Variants in GSE1 observed in about 807,000 individuals in gnomAD.
The protein encoded by GSE1 is genetic suppressor element 1.
Under a neutral mutation model 112.6 loss-of-function variants are expected in GSE1, and 32 were observed. The ratio of observed to expected loss-of-function variants is 0.28; its 90% CI spans 0.21 to 0.38. The LOEUF is 0.38. GSE1 is among the 10% of genes least tolerant of loss of function. The probability of loss-of-function intolerance (pLI) is 1.00; values close to 1 mark genes in which losing one functional copy is unlikely to be tolerated. For missense variants in GSE1, 2,348 were observed against 1,699.2 expected, an observed-to-expected ratio of 1.38 and a Z score of -6.71; for synonymous variants, 1,115 against 735.6, an observed-to-expected ratio of 1.52 and a Z score of -8.35.
At chr16:85,283,893 C>G (rs905352328) in intron 1 of GSE1, among the ~76,000 whole-genome samples, 4 of 152,220 alleles carry the variant, frequency 2.6e-5, no homozygotes, top group Non-Finnish European at 5.9e-5. Flanking sequence ...CTCAGGCCGT[C>G]TGGCTCCAGC....
chr16:85,438,785 A>AG (rs1369250282), intron 2 of GSE1, among the ~76,000 whole-genome samples: 4 of 152,184 alleles, frequency 2.6e-5, no homozygotes, highest in Non-Finnish European at 5.9e-5. Flanking sequence ...GAAGAAGCAA[A>AG]GGGTGCTGGG....
chr16:85,455,766 A>C (rs959300110), intron 2 of GSE1, among the ~76,000 whole-genome samples: 1 of 152,030 alleles, frequency 6.6e-6, no homozygotes, highest in Admixed American at 6.5e-5. Flanking sequence ...GCTTGGGGGG[A>C]ATGTGACCCA....
chr16:85,572,293 C>T (rs1399776389), intron 1 of GSE1, among the ~76,000 whole-genome samples: 1 of 147,814 alleles, frequency 6.8e-6, no homozygotes, highest in Non-Finnish European at 1.5e-5. Flanking sequence ...TACCCCCACA[C>T]ACAACACACA....
chr16:85,644,832 C>T (rs1475620782), intron 2 of GSE1, among the ~76,000 whole-genome samples: 1 of 148,006 alleles, frequency 6.8e-6, no homozygotes, highest in Non-Finnish European at 1.5e-5. Context: ...CAACTGAAAC[C>T]CAAGAGCCAT....
At chr16:85,436,891 G>C (rs2049259555) in intron 2 of GSE1, among the ~76,000 whole-genome samples, 2 of 152,250 alleles carry the variant, frequency 1.3e-5, no homozygotes. Flanking sequence ...GCCCGGGACT[G>C]TGGGGGCGGG....
intron 1 of GSE1, among the ~76,000 whole-genome samples, chr16:85,203,508 A>T (rs1387758259): frequency 6.6e-6 from 1 of 152,160 alleles, no homozygotes; most frequent in Non-Finnish European, 1.5e-5. Context: ...CTTTCGTGGG[A>T]AGCCAGCAGG....
At chr16:85,331,414 C>CGTATATAT (rs1241239842) in intron 1 of GSE1, among the ~76,000 whole-genome samples, 2 of 45,546 alleles carry the variant, frequency 4.4e-5, no homozygotes, top group African/African-American at 1.4e-4. Context: ...TATATATATG[C>CGTATATAT]GTATATATGT....
intron 2 of GSE1, among the ~76,000 whole-genome samples, chr16:85,481,060 C>T (rs985025986): frequency 3.9e-5 from 6 of 152,192 alleles, no homozygotes; most frequent in African/African-American, 9.7e-5. Flanking sequence ...CCTCCGGCCT[C>T]GGTTTCGGCG....
At chr16:85,471,985 TG>T (rs1235062760) in intron 2 of GSE1, among the ~76,000 whole-genome samples, 1 of 152,236 alleles carries the variant, frequency 6.6e-6, no homozygotes, top group Non-Finnish European at 1.5e-5. Context: ...CGTTGAGGTT[TG>T]GGGCCAGATA....
chr16:85,288,660 C>G (rs1420789372), intron 1 of GSE1, among the ~76,000 whole-genome samples: 1 of 152,196 alleles, frequency 6.6e-6, no homozygotes, highest in Non-Finnish European at 1.5e-5. Flanking sequence ...TCTATTCTGT[C>G]CTGGGGGCTG....
intron 2 of GSE1, among the ~76,000 whole-genome samples, chr16:85,514,034 C>T (rs1470524770): frequency 6.6e-6 from 1 of 152,110 alleles, no homozygotes; most frequent in Non-Finnish European, 1.5e-5. Context: ...ACAAAAGACC[C>T]CAGGCTCCCC....
At chr16:85,642,937 C>T (rs955119794) in intron 2 of GSE1, among the ~76,000 whole-genome samples, 7 of 152,282 alleles carry the variant, frequency 4.6e-5, no homozygotes, top group African/African-American at 1.2e-4. Context: ...GTCTACAGTG[C>T]GCTGGAGAGT....
At chr16:85,398,717 G>A (rs1054684814) in intron 2 of GSE1, among the ~76,000 whole-genome samples, 1 of 152,154 alleles carries the variant, frequency 6.6e-6, no homozygotes, top group Non-Finnish European at 1.5e-5. Flanking sequence ...AGAGCCAGGA[G>A]AGAGAATGTA....
intron 1 of GSE1, among the ~76,000 whole-genome samples, chr16:85,557,398 G>C (rs1026116592): frequency 6.6e-6 from 1 of 152,170 alleles, no homozygotes; most frequent in Non-Finnish European, 1.5e-5. Flanking sequence ...AATGAAGGTG[G>C]GGTGTGTGTG....
intron 11 of GSE1, among the ~76,000 whole-genome samples, chr16:85,663,960 G>A (rs780723625): frequency 2.6e-5 from 4 of 152,282 alleles, no homozygotes; most frequent in Non-Finnish European, 1.5e-5. Context: ...GTCTGCTGCA[G>A]GCTTTTCCTC....
At chr16:85,420,160 G>C (rs970173882) in intron 2 of GSE1, among the ~76,000 whole-genome samples, 12 of 152,298 alleles carry the variant, frequency 7.9e-5, no homozygotes, top group African/African-American at 2.6e-4. Flanking sequence ...GCTGAAGTAG[G>C]AGGACTGCTT....
At chr16:85,261,020 A>G (rs1043928359) in intron 1 of GSE1, among the ~76,000 whole-genome samples, 2 of 152,254 alleles carry the variant, frequency 1.3e-5, no homozygotes, top group Admixed American at 6.5e-5. Flanking sequence ...GCTCAGTTCC[A>G]CCATGGCTTG....
Position 85,369,408 on chromosome 16 carries a change from G to A in GSE1, c.2464+11765G>A, listed in dbSNP as rs906418942. Among the ~76,000 whole-genome samples the A allele has an allele frequency of 2.0e-5, 3 of 152,138 alleles. No individual in the cohort carries two copies. In the South Asian group the frequency reaches 6.2e-4, roughly 32 times the overall value. On this transcript the variant is annotated intron_variant, in intron 2 of 2. Coordinates refer to the GSE1 transcript ENST00000637419. ...ATGTTTGTATTTTTGTAGAGATGGG[G>A]TCTCACTCTGTTGTGCAGGCTGGTC...
At chr16:85,420,108 G>C (rs532028965) in intron 2 of GSE1, among the ~76,000 whole-genome samples, 9 of 99,084 alleles carry the variant, frequency 9.1e-5, no homozygotes, top group African/African-American at 3.0e-4. Flanking sequence ...GCTCAGGCCA[G>C]ACGGGTGGTG....
Sources: gnomAD v4.1 joint callset for allele counts (sites outside exome capture counted in the v4.1 genomes callset) on GRCh38, gnomAD v4.1.1 for gene constraint, MANE v1.5 for transcripts, NCBI Gene and HGNC (gene_info 2026-07-23, HGNC 2026-07-21) for gene names.